The following SLX4 variants were observed in gnomAD, a reference collection of about 807,000 sequenced individuals.
SLX4 encodes SLX4 structure-specific endonuclease subunit.
A neutral mutation model predicts 146.2 loss-of-function variants in SLX4; 112 were observed. That is an observed-to-expected ratio of 0.77 (90% CI 0.66 to 0.90). The LOEUF is 0.90. Among genes scored for constraint, SLX4 ranks in the 40% least tolerant of loss-of-function variants. The probability of loss-of-function intolerance (pLI) is 0.00; values close to 1 mark genes in which losing one functional copy is unlikely to be tolerated. For missense variants in SLX4, 2,563 were observed against 2,392.7 expected (o/e 1.07, Z -1.49); for synonymous variants, 1,061 against 997.7 (o/e 1.06, Z -1.20).
intron 3 of SLX4, 119 bp from the exon 4 acceptor site, chr16:3,602,426 AC>A: frequency 8.8e-7 from 1 of 1,141,514 alleles, no homozygotes; most frequent in Middle Eastern, 2.0e-4. Context: ...AGAAACCAGA[AC>A]CCAGCTCCAC....
intron 3 of SLX4, 105 bp from the exon 4 acceptor site, chr16:3,602,412 G>A (rs981446377): frequency 4.1e-5 from 56 of 1,372,360 alleles, no homozygotes; most frequent in African/African-American, 1.0e-4. Context: ...CAGGTGGAAC[G>A]CAAAGAAACC....
chr16:3,584,903 C>A (rs991603541), intron 12 of SLX4, 32 bp from the exon 13 acceptor site: 1 of 1,450,226 alleles, frequency 6.9e-7, no homozygotes, highest in African/African-American at 1.4e-5. Context: ...CACGTTTTAG[C>A]ATGAGGGACA....
chr16:3,598,464 A>C (rs762659917), intron 5 of SLX4, among the ~76,000 whole-genome samples: 3 of 152,224 alleles, frequency 2.0e-5, no homozygotes, highest in Non-Finnish European at 4.4e-5. Flanking sequence ...CATGGCCAGA[A>C]GGAAGGGCTT....
intron 13 of SLX4, among the ~76,000 whole-genome samples, chr16:3,584,357 GT>G (rs202170456): frequency 0.022 from 3,280 of 152,102 alleles, 116 homozygotes; most frequent in African/African-American, 0.068. Context: ...GGAGGTGGAG[GT>G]TGCAGTGAGC....
chr16:3,584,123 TA>T (rs796226183), intron 13 of SLX4, among the ~76,000 whole-genome samples: 11 of 151,788 alleles, frequency 7.2e-5, no homozygotes, highest in Non-Finnish European at 1.5e-4. Context: ...AATGTTCTTT[TA>T]AAAAAAATCA....
Position 3,600,985 on chromosome 16 carries a change from A to G in SLX4, c.1157T>C (p.Met386Thr), listed in dbSNP as rs1341275826. ...AQPEGSSSPP[M>T]FSFSDHSRGL... ...TTCCTTTTCGTCGACTTACCTGAAC[A>G]TGGGTGGGCTGCTGCTACCCTCAGG... is the stretch of plus-strand genomic sequence containing the variant. The change falls in exon 5 of 15, where the codon ATG becomes ACG. Residue 386 changes from methionine to threonine, a missense_variant. Physicochemically the swap from Met to Thr is moderately conservative, Grantham distance 81 (BLOSUM62 -1). Coordinates refer to ENST00000294008, the MANE Select transcript of SLX4 (RefSeq NM_032444.4). The G allele has an allele frequency of 6.2e-7, 1 of 1,613,570 alleles. No homozygotes were observed. The highest frequency in any genetic ancestry group is 8.5e-7 in the Non-Finnish European group (1 of 1,179,994).
chr16:3,598,024 T>C (rs765677073), intron 5 of SLX4, 25 bp from the exon 6 acceptor site: 2 of 1,613,892 alleles, frequency 1.2e-6, no homozygotes, highest in Non-Finnish European at 1.7e-6. Flanking sequence ...AAGAGAAAAG[T>C]TACTGGGGCT....
intron 4 of SLX4, chr16:3,601,864 T>G (rs2040730545): frequency 2.1e-6 from 1 of 483,674 alleles, no homozygotes; most frequent in Non-Finnish European, 3.8e-6. Context: ...ATGAAAATAA[T>G]CCAGAAGTGA....
chr16:3,608,103 T>C (rs1409400368), intron 2 of SLX4, among the ~76,000 whole-genome samples: 2 of 152,204 alleles, frequency 1.3e-5, no homozygotes, highest in Non-Finnish European at 2.9e-5. Flanking sequence ...GAGGATTGCT[T>C]GAGTCCAGGA....
chr16:3,589,556 G>A lies in SLX4; in HGVS notation c.4082C>T (p.Pro1361Leu). The part of the protein sequence containing the change: ...HPHSSPLAPH[P>L]ISGDRAHFSR... ...GAAGTGGGCGCGGTCCCCTGAGATG[G>A]GATGTGGAGCCAGCGGAGAGGAGTG... The change falls in exon 12 of 15, where the codon CCC (proline) becomes CTC (leucine). Residue 1361 changes from proline to leucine, a missense_variant. By Grantham distance (98) the Pro-to-Leu change is moderately conservative (BLOSUM62 -3). Coordinates refer to ENST00000294008, the MANE Select transcript of SLX4 (RefSeq NM_032444.4). The surrounding 1 kb of genome is among the most constrained non-coding windows in gnomAD (Gnocchi z 6.2). 6.2e-7 allele frequency: 1 copy of A among 1,612,140 alleles called. No homozygotes were observed. Among genetic ancestry groups the A allele is most frequent in the South Asian group, 1.1e-5 (1 of 91,074 alleles).
chr16:3,583,119 C>T lies in SLX4; in HGVS notation c.5131G>A (p.Asp1711Asn). 1 of 1,614,270 alleles carries T rather than the reference C, an allele frequency of 6.2e-7. No individual in the cohort carries two copies. Among genetic ancestry groups the T allele is most frequent in the African/African-American group, 1.3e-5 (1 of 75,082 alleles). The part of the protein sequence containing the change: ...ESVATSVDGS[D>N]SSLSSQSSSS... ...TACCTCTGTGAGCTCAAGGAGCTGT[C>T]ACTGCCATCCACAGAGGTGGCCACG... The change falls in exon 14 of 15, where the codon GAC (aspartate) becomes AAC (asparagine). Residue 1711 changes from aspartate (D) to asparagine (N), a missense_variant. Physicochemically the swap from Asp to Asn is conservative, Grantham distance 23. Transcript: ENST00000294008.
chr16:3,582,773 A>C (rs75990295), intron 14 of SLX4, 80 bp from the exon 15 acceptor site: 2 of 1,328,782 alleles, frequency 1.5e-6, no homozygotes, highest in African/African-American at 2.9e-5. Context: ...AAAGGAAGGA[A>C]GGTGTCTACG....
chr16:3,608,435 G>C lies in SLX4; in HGVS notation c.530C>G (p.Thr177Ser), dbSNP rs1356559242. ...EPSPNLSREK[T>S]RENVPNSDSQ... ...TTTAAAAGAGTACAAATTACCTCTGGTTTTCTCTCTGGAAAGGTTTGGCGA... is the reference window on the plus strand; with the variant it reads ...TTTAAAAGAGTACAAATTACCTCTGCTTTTCTCTCTGGAAAGGTTTGGCGA... Residue 177 changes from threonine to serine, a missense_variant, in exon 2 of 15, where the codon ACC (threonine) becomes AGC (serine). Thr to Ser is a moderately conservative substitution (Grantham distance 58). Transcript: ENST00000294008. 6.2e-7 allele frequency: 1 copy of C among 1,614,148 alleles called. No individual in the cohort carries two copies. Among genetic ancestry groups the C allele is most frequent in the African/African-American group, 1.3e-5 (1 of 75,026 alleles).
intron 4 of SLX4, 46 bp from the exon 5 acceptor site, chr16:3,601,237 G>A: frequency 6.3e-7 from 1 of 1,598,908 alleles, no homozygotes; most frequent in Non-Finnish European, 8.6e-7. Flanking sequence ...CCCCAGGAAT[G>A]TGGATTGGAG....
In SLX4 at chr16:3,589,038, C is replaced by T. The variant is rs78770603; in HGVS notation, c.4600G>A (p.Gly1534Ser). ...TPPPAQMPSA[G>S]GAQKPEGLET... ...AACCCTTCGGGCTTCTGAGCTCCAC[C>T]AGCGCTTGGCATCTGGGCCGGAGGA... The change falls in exon 12 of 15, where the codon GGT (glycine) becomes AGT (serine). Residue 1534 changes from glycine (G) to serine (S), a missense_variant. Physicochemically the swap from Gly to Ser is moderately conservative, Grantham distance 56. Transcript: ENST00000294008. The surrounding 1 kb of genome is among the most constrained non-coding windows in gnomAD (Gnocchi z 6.2). 2.7e-3 allele frequency: 4,281 copies of T among 1,614,146 alleles called. 114 individuals are homozygous for T. In the African/African-American group the frequency reaches 0.049, roughly 19 times the overall value.
chr16:3,583,576 T>A (rs1229717888), intron 13 of SLX4, 66 bp from the exon 14 acceptor site: 13 of 1,580,410 alleles, frequency 8.2e-6, no homozygotes, highest in Non-Finnish European at 1.0e-5. Flanking sequence ...ACGTTCCCTA[T>A]CTTAGCAAAG....
In SLX4 at chr16:3,593,930, G is replaced by A. The variant is rs144227372; in HGVS notation, c.2160+523C>T. On this transcript the variant is annotated intron_variant, in intron 10 of 14. Transcript: ENST00000294008. ...TCTGTCGCCCAGGCTGGAGTGCAGT[G>A]GTGCAATCTCAGCTCATTGGAAGCT... 3.9e-3 allele frequency among the ~76,000 whole-genome samples: 599 copies of A among 152,288 alleles called. 6 individuals are homozygous for A. Among genetic ancestry groups the A allele is most frequent in the African/African-American group, 0.014 (572 of 41,546 alleles).
At position 3,603,187 on chromosome 16, in the gene SLX4, G is replaced by A. The variant is rs140421719; in HGVS notation, c.761-880C>T. Among the ~76,000 whole-genome samples the A allele has an allele frequency of 9.2e-5, 14 of 152,268 alleles. No homozygotes were observed. In the East Asian group the frequency reaches 2.3e-3, roughly 25 times the overall value. On this transcript the variant is annotated intron_variant, in intron 3 of 14. Transcript: ENST00000294008. The stretch of plus-strand genomic sequence containing the variant: ...TCCTGCCTCAGCCTCCTGAGTAGCT[G>A]GGATTACAGGTGCCCACCACACCTG...
At chr16:3,592,941 GT>G in intron 10 of SLX4, 76 bp from the exon 11 acceptor site, 10 of 1,417,112 alleles carry the variant, frequency 7.1e-6, no homozygotes, top group Non-Finnish European at 8.5e-6. Flanking sequence ...GGTCTGGGGT[GT>G]CCTGCAAGTC....
Sources: allele counts gnomAD v4.1 joint callset (sites outside exome capture counted in the v4.1 genomes callset), GRCh38; gene constraint gnomAD v4.1.1; non-coding constraint Gnocchi (gnomAD v3.1); transcripts MANE v1.5; gene names NCBI Gene and HGNC (gene_info 2026-07-23, HGNC 2026-07-21).